The following MAP2K6 variants were observed in gnomAD, a reference collection of about 807,000 sequenced individuals.
The protein encoded by MAP2K6 is mitogen-activated protein kinase kinase 6, also known as dual specificity mitogen-activated protein kinase kinase 6.
A neutral mutation model predicts 53.7 loss-of-function variants in MAP2K6; 16 were observed. The ratio of observed to expected loss-of-function variants is 0.30; its 90% CI spans 0.20 to 0.45. MAP2K6 has a LOEUF of 0.45. Among genes scored for constraint, MAP2K6 ranks in the 20% least tolerant of loss-of-function variants. The pLI is 1.00. For missense variants in MAP2K6, 204 were observed against 411.9 expected (o/e 0.50, Z 4.37); for synonymous variants, 132 against 143.1 (o/e 0.92, Z 0.55).
At chr17:69,445,919 A>T (rs577527371) in intron 1 of MAP2K6, among the ~76,000 whole-genome samples, 19 of 152,328 alleles carry the variant, frequency 1.2e-4, no homozygotes, top group African/African-American at 4.6e-4. Context: ...TATTTATACT[A>T]TCAGCTTCAG....
chr17:69,437,473 A>G (rs1019441087), intron 1 of MAP2K6, among the ~76,000 whole-genome samples: 3 of 152,130 alleles, frequency 2.0e-5, no homozygotes, highest in East Asian at 1.9e-4. Flanking sequence ...ACATTTGGTG[A>G]AACTTTTATT....
chr17:69,463,707 C>T (rs918221408), intron 1 of MAP2K6, among the ~76,000 whole-genome samples: 12 of 151,214 alleles, frequency 7.9e-5, no homozygotes, highest in African/African-American at 2.4e-4. Flanking sequence ...CACACAAATA[C>T]ATATATGTAT....
In MAP2K6 at chr17:69,520,259, T is replaced by C. The variant is rs545176278; in HGVS notation, c.367-11T>C. 22 of 1,367,318 alleles carry C rather than the reference T, an allele frequency of 1.6e-5. 1 individual carries two copies. The East Asian group carries it at 2.8e-4, about 17-fold the overall frequency. 84.7% of individuals were successfully genotyped at this position (1,367,318 alleles called of 1,614,324 possible). On this transcript the variant is annotated splice_polypyrimidine_tract_variant and intron_variant, in intron 5 of 11. Transcript: ENST00000590474. ...TCCTTTTAAACAATTCCTGAAACAA[T>C]TGGTCTCCAGGGTGATGTGTGGATC...
rs78439838 is a variant in MAP2K6 at position 69,476,772 on chromosome 17, G to A, written c.17-29008G>A. Among the ~76,000 whole-genome samples the A allele has an allele frequency of 9.3e-3, 1,409 of 152,312 alleles. 23 individuals carry two copies. Among genetic ancestry groups the A allele is most frequent in the African/African-American group, 0.032 (1,346 of 41,564 alleles). On this transcript the variant is annotated intron_variant, in intron 1 of 11. Transcript: ENST00000590474. ...TTCCCCAAGGGCCTGGCTGATATCT[G>A]TGAAGGTGCTATAGAGATTGGCATC...
At chr17:69,424,511 T>C (rs1454301616) in intron 1 of MAP2K6, among the ~76,000 whole-genome samples, 2 of 152,224 alleles carry the variant, frequency 1.3e-5, no homozygotes, top group Non-Finnish European at 2.9e-5. Context: ...CCGGAGAGGT[T>C]AAGAACTTGC....
At chr17:69,525,809 G>C (rs1910741446) in intron 9 of MAP2K6, among the ~76,000 whole-genome samples, 1 of 152,188 alleles carries the variant, frequency 6.6e-6, no homozygotes, top group African/African-American at 2.4e-5. Context: ...TTTGGGTGGG[G>C]ACACAGCCCA....
intron 1 of MAP2K6, among the ~76,000 whole-genome samples, chr17:69,449,761 C>T (rs1480709719): frequency 6.7e-6 from 1 of 149,214 alleles, no homozygotes; most frequent in Non-Finnish European, 1.5e-5. Context: ...CTACAGGCGC[C>T]CGCCACCTCG....
chr17:69,464,531 G>A (rs2465652), intron 1 of MAP2K6, among the ~76,000 whole-genome samples: 49,417 of 151,746 alleles, frequency 0.33, 8,669 homozygotes, highest in Non-Finnish European at 0.4. Flanking sequence ...ACAGGCGTGC[G>A]CCGCCACGCC....
intron 1 of MAP2K6, among the ~76,000 whole-genome samples, chr17:69,444,797 G>C (rs115954503): frequency 6.6e-6 from 1 of 152,186 alleles, no homozygotes. Context: ...AAACATAAAA[G>C]GGAATGAAGA....
intron 1 of MAP2K6, among the ~76,000 whole-genome samples, chr17:69,457,231 C>T (rs574504266): frequency 6.6e-6 from 1 of 152,270 alleles, no homozygotes; most frequent in South Asian, 2.1e-4. Context: ...CTTCTAATTA[C>T]CTTTGTGCAT....
chr17:69,514,175 A>G (rs555585992), intron 2 of MAP2K6, among the ~76,000 whole-genome samples: 1 of 152,264 alleles, frequency 6.6e-6, no homozygotes, highest in East Asian at 1.9e-4. Flanking sequence ...TATTAGTCAC[A>G]TGTTTCAAGT....
At chr17:69,449,541 C>CTTTCTTTA (rs1907111034) in intron 1 of MAP2K6, among the ~76,000 whole-genome samples, 1 of 99,472 alleles carries the variant, frequency 1.0e-5, no homozygotes, top group Non-Finnish European at 2.0e-5. Flanking sequence ...GTCTTTCTTT[C>CTTTCTTTA]TTTCTTTCTT....
chr17:69,459,942 C>G (rs1417679311), intron 1 of MAP2K6, among the ~76,000 whole-genome samples: 1 of 149,182 alleles, frequency 6.7e-6, no homozygotes, highest in African/African-American at 2.5e-5. Context: ...TCCTCTTTTT[C>G]TTCCTTCCTT....
At chr17:69,474,446 T>G (rs1203075758) in intron 1 of MAP2K6, among the ~76,000 whole-genome samples, 1 of 152,206 alleles carries the variant, frequency 6.6e-6, no homozygotes. Flanking sequence ...CTGAGTAAAA[T>G]CTTCTAGATT....
intron 1 of MAP2K6, among the ~76,000 whole-genome samples, chr17:69,452,353 G>A (rs991453120): frequency 6.6e-6 from 1 of 152,052 alleles, no homozygotes; most frequent in African/African-American, 2.4e-5. Flanking sequence ...GGGAAAGGAA[G>A]TATAAGATGC....
chr17:69,499,021 G>A (rs1858970), intron 1 of MAP2K6, among the ~76,000 whole-genome samples: 97,740 of 151,898 alleles, frequency 0.64, 31,646 homozygotes, highest in Middle Eastern at 0.75. Context: ...TGCTTCTGAT[G>A]TGAGATAGTT....
chr17:69,441,496 G>A (rs191888943), intron 1 of MAP2K6, among the ~76,000 whole-genome samples: 31 of 152,114 alleles, frequency 2.0e-4, no homozygotes, highest in Non-Finnish European at 3.7e-4. Context: ...TTGTATATGC[G>A]ATTTCTTTGC....
At chr17:69,449,585 CTTTCTTTT>C (rs1907128158) in intron 1 of MAP2K6, among the ~76,000 whole-genome samples, 1 of 93,510 alleles carries the variant, frequency 1.1e-5, no homozygotes, top group African/African-American at 3.9e-5. Flanking sequence ...TTCTTTCTTT[CTTTCTTTT>C]TCTTTCTTTC....
rs1035202956 is a variant in MAP2K6 at position 69,553,202 on chromosome 17, C to T, written c.*11449C>T. ...TTGCCAAAGGTGAGGGTAATTTTGC[C>T]TTACAAGTATGTAGGTCATTCTGTG... On this transcript the variant is annotated 3_prime_UTR_variant, in exon 12 of 12. Coordinates refer to ENST00000590474, the MANE Select transcript of MAP2K6 (RefSeq NM_002758.4). 4 of 152,058 alleles carry T rather than the reference C, an allele frequency of 2.6e-5. No individual in the cohort carries two copies. Among genetic ancestry groups the T allele is most frequent in the African/African-American group, 9.7e-5 (4 of 41,412 alleles). 9.4% of individuals were successfully genotyped at this position (152,058 alleles called of 1,614,324 possible).
Sources: allele counts gnomAD v4.1 joint callset (sites outside exome capture counted in the v4.1 genomes callset), GRCh38; gene constraint gnomAD v4.1.1; transcripts MANE v1.5; gene names NCBI Gene and HGNC (gene_info 2026-07-23, HGNC 2026-07-21).